The following CHST11 variants were observed in gnomAD, a reference collection of about 807,000 sequenced individuals.
CHST11 encodes C4S-1.
A neutral mutation model predicts 30.4 loss-of-function variants in CHST11; 9 were observed. The ratio of observed to expected loss-of-function variants is 0.30; its 90% CI spans 0.18 to 0.52. The LOEUF (loss-of-function observed/expected upper bound fraction) is 0.52. CHST11 is among the 20% of genes least tolerant of loss of function. The pLI, the probability that CHST11 is intolerant of heterozygous loss-of-function variation, is 0.97. For missense variants in CHST11, 348 were observed against 460.6 expected, an observed-to-expected ratio of 0.76 and a Z score of 2.24; for synonymous variants, 152 against 187.8, an observed-to-expected ratio of 0.81 and a Z score of 1.56.
chr12:104,604,114 G>A (rs1163637151), intron 2 of CHST11, among the ~76,000 whole-genome samples: 1 of 152,180 alleles, frequency 6.6e-6, no homozygotes, highest in Non-Finnish European at 1.5e-5. Flanking sequence ...TGGCGAGGCA[G>A]ACTCTGCTTG....
chr12:104,570,271 GTTC>G (rs1295191423), intron 1 of CHST11, among the ~76,000 whole-genome samples: 1 of 152,070 alleles, frequency 6.6e-6, no homozygotes, highest in Admixed American at 6.5e-5. Flanking sequence ...CTTCGTTGTT[GTTC>G]TTGTTGTATA....
At position 104,457,196 on chromosome 12, in the gene CHST11, G is replaced by C; in HGVS notation, c.-216G>C. 1 of 398,594 alleles carries C rather than the reference G, an allele frequency of 2.5e-6. No individual in the cohort carries two copies. Among genetic ancestry groups the C allele is most frequent in the Non-Finnish European group, 4.5e-6 (1 of 222,670 alleles). 24.7% of individuals were successfully genotyped at this position (398,594 alleles called of 1,614,324 possible). A position where few individuals can be genotyped will look rare whatever the true frequency, so the allele number is the denominator to read the frequency against. On this transcript the variant is annotated 5_prime_UTR_variant, in exon 1 of 3. Transcript: ENST00000303694. ...AGGAGCGCGCAGCCAGCGGGTCCAC[G>C]CATCTCAGCACTTCCAGACCAACTC... is the stretch of plus-strand genomic sequence containing the variant.
chr12:104,653,217 G>C (rs1362452848), intron 2 of CHST11, among the ~76,000 whole-genome samples: 1 of 152,088 alleles, frequency 6.6e-6, no homozygotes, highest in African/African-American at 2.4e-5. Context: ...GATGCTTTTA[G>C]ATACCTCATA....
At chr12:104,717,381 T>G (rs189345090) in intron 2 of CHST11, among the ~76,000 whole-genome samples, 2 of 152,220 alleles carry the variant, frequency 1.3e-5, no homozygotes, top group Non-Finnish European at 2.9e-5. Flanking sequence ...TCAGTAGGTC[T>G]TCATGGTATC....
At chr12:104,546,980 T>G (rs922624300) in intron 1 of CHST11, among the ~76,000 whole-genome samples, 1 of 152,222 alleles carries the variant, frequency 6.6e-6, no homozygotes, top group African/African-American at 2.4e-5. Context: ...GATTTCTGAT[T>G]CTGACAGAAA....
At chr12:104,478,552 A>G (rs1008833803) in intron 1 of CHST11, among the ~76,000 whole-genome samples, 1 of 152,176 alleles carries the variant, frequency 6.6e-6, no homozygotes, top group African/African-American at 2.4e-5. Flanking sequence ...ATAAGTCTAA[A>G]ATAGCTGTCT....
chr12:104,621,028 C>A (rs2039154057), intron 2 of CHST11, among the ~76,000 whole-genome samples: 1 of 152,230 alleles, frequency 6.6e-6, no homozygotes, highest in South Asian at 2.1e-4. Context: ...TGTAGTCTTT[C>A]TTGAGCCTCA....
chr12:104,703,934 G>A (rs530889268), intron 2 of CHST11, among the ~76,000 whole-genome samples: 1 of 152,354 alleles, frequency 6.6e-6, no homozygotes, highest in Admixed American at 6.5e-5. Flanking sequence ...ATTTAGAACA[G>A]TGCCTAGTTC....
At chr12:104,595,756 A>G (rs2038901692) in intron 1 of CHST11, among the ~76,000 whole-genome samples, 1 of 152,168 alleles carries the variant, frequency 6.6e-6, no homozygotes, top group Non-Finnish European at 1.5e-5. Flanking sequence ...CCACCTTATA[A>G]TACAGGCATT....
At chr12:104,504,688 G>C (rs2037886318) in intron 1 of CHST11, among the ~76,000 whole-genome samples, 1 of 152,126 alleles carries the variant, frequency 6.6e-6, no homozygotes, top group South Asian at 2.1e-4. Context: ...GGGGCTGAGT[G>C]TGGTGGGTGG....
intron 2 of CHST11, among the ~76,000 whole-genome samples, chr12:104,746,725 T>C (rs894645927): frequency 6.6e-6 from 1 of 152,264 alleles, no homozygotes; most frequent in East Asian, 1.9e-4. Flanking sequence ...TCAGTTAACA[T>C]GAAGCCACTT....
At chr12:104,656,563 C>T (rs951829806) in intron 2 of CHST11, among the ~76,000 whole-genome samples, 51 of 152,308 alleles carry the variant, frequency 3.3e-4, no homozygotes, top group East Asian at 1.5e-3. Flanking sequence ...AGCGTGCATG[C>T]GGTGACTCTT....
At chr12:104,692,346 A>G (rs2039903935) in intron 2 of CHST11, among the ~76,000 whole-genome samples, 1 of 152,230 alleles carries the variant, frequency 6.6e-6, no homozygotes, top group African/African-American at 2.4e-5. Context: ...AAGACATTGC[A>G]TTAGGAACCA....
intron 1 of CHST11, among the ~76,000 whole-genome samples, chr12:104,517,065 A>G (rs1424268303): frequency 6.6e-6 from 1 of 152,086 alleles, no homozygotes; most frequent in Non-Finnish European, 1.5e-5. Flanking sequence ...CATAGCTGTT[A>G]CTGCCACTTA....
At chr12:104,572,445 A>G (rs1454734234) in intron 1 of CHST11, among the ~76,000 whole-genome samples, 7 of 152,012 alleles carry the variant, frequency 4.6e-5, no homozygotes, top group Admixed American at 3.3e-4. Flanking sequence ...AGTCTTGGGA[A>G]GGTGTATGTG....
chr12:104,673,732 G>T (rs144354988), intron 2 of CHST11, among the ~76,000 whole-genome samples: 1 of 152,130 alleles, frequency 6.6e-6, no homozygotes, highest in African/African-American at 2.4e-5. Flanking sequence ...TCGACTTTTC[G>T]ACCTACTTAA....
intron 2 of CHST11, among the ~76,000 whole-genome samples, chr12:104,670,610 C>T (rs1018245485): frequency 6.7e-6 from 1 of 149,676 alleles, no homozygotes; most frequent in Non-Finnish European, 1.5e-5. Context: ...CACACAAACA[C>T]ATCCATACAC....
Position 104,523,554 on chromosome 12 carries a change from C to T in CHST11, c.118+66025C>T, listed in dbSNP as rs75727278. Among the ~76,000 whole-genome samples the T allele has an allele frequency of 7.3e-3, 1,111 of 152,350 alleles. 17 individuals are homozygous for T. Among genetic ancestry groups the T allele is most frequent in the African/African-American group, 0.025 (1,058 of 41,582 alleles). On this transcript the variant is annotated intron_variant, in intron 1 of 2. Coordinates refer to ENST00000303694, the MANE Select transcript of CHST11 (RefSeq NM_018413.6). ...TTCCACTTCCTGATTCTGTGACCTTCAGCAAGTCATTGAACCTTAGAGAGT... is the reference window on the plus strand; with the variant it reads ...TTCCACTTCCTGATTCTGTGACCTTTAGCAAGTCATTGAACCTTAGAGAGT...
chr12:104,671,504 GCT>G lies in CHST11; in HGVS notation c.204+69516_204+69517del, dbSNP rs1432841375. Among the ~76,000 whole-genome samples the G allele has an allele frequency of 7.9e-5, 12 of 152,146 alleles. No individual in the cohort carries two copies. In the South Asian group the frequency reaches 2.1e-3, roughly 26 times the overall value. On this transcript the variant is annotated intron_variant, in intron 2 of 2. Transcript: ENST00000303694. ...CGCGATCATGGTTTTGATCATGGAAGCTCTTAGCCCACTGCACTGTGATCGGT... is the reference window on the plus strand; with the variant it reads ...CGCGATCATGGTTTTGATCATGGAAGCTTAGCCCACTGCACTGTGATCGGT...
Sources: allele counts gnomAD v4.1 joint callset (sites outside exome capture counted in the v4.1 genomes callset), GRCh38; gene constraint gnomAD v4.1.1; transcripts MANE v1.5; gene names NCBI Gene and HGNC (gene_info 2026-07-23, HGNC 2026-07-21).